Variants in ARRB1 observed in about 807,000 individuals in gnomAD.
ARRB1 encodes the protein arrestin beta 1.
A neutral mutation model predicts 56.8 loss-of-function variants in ARRB1; 21 were observed. The observed-to-expected ratio is 0.37, with a 90% CI of 0.26 to 0.53. The LOEUF is 0.53. ARRB1 is among the 20% of genes least tolerant of loss of function. The probability of loss-of-function intolerance (pLI) is 0.88; values close to 1 mark genes in which losing one functional copy is unlikely to be tolerated. For synonymous variants in ARRB1, 210 were observed against 218.6 expected (o/e 0.96, Z 0.35); for missense variants, 424 against 553.7 (o/e 0.77, Z 2.35).
chr11:75,339,275 G>A (rs1397038271), intron 1 of ARRB1, among the ~76,000 whole-genome samples: 4 of 152,226 alleles, frequency 2.6e-5, no homozygotes, highest in Non-Finnish European at 1.5e-5. Context: ...AGTAGACCCT[G>A]GTTTCCAATG....
At chr11:75,343,380 AG>A (rs1272273452) in intron 1 of ARRB1, among the ~76,000 whole-genome samples, 3 of 152,184 alleles carry the variant, frequency 2.0e-5, no homozygotes, top group Non-Finnish European at 4.4e-5. Context: ...GCTTGTAATG[AG>A]GCCTTGGGAG....
intron 1 of ARRB1, among the ~76,000 whole-genome samples, chr11:75,348,435 TA>T (rs1947804013): frequency 6.6e-6 from 1 of 152,122 alleles, no homozygotes; most frequent in African/African-American, 2.4e-5. Flanking sequence ...TGCTCTGCTC[TA>T]AATCCCTGGA....
intron 7 of ARRB1, among the ~76,000 whole-genome samples, chr11:75,279,812 C>T (rs1248539843): frequency 6.6e-6 from 1 of 152,164 alleles, no homozygotes; most frequent in Non-Finnish European, 1.5e-5. Context: ...GGGTTACAGG[C>T]ATATGCCACC....
intron 1 of ARRB1, among the ~76,000 whole-genome samples, chr11:75,315,522 C>T (rs769054902): frequency 6.6e-6 from 1 of 152,202 alleles, no homozygotes; most frequent in African/African-American, 2.4e-5. Context: ...TGGCTAAGCA[C>T]GGGGTCCCAG....
intron 3 of ARRB1, among the ~76,000 whole-genome samples, chr11:75,286,957 C>A (rs1019320461): frequency 3.3e-5 from 5 of 152,156 alleles, no homozygotes; most frequent in Non-Finnish European, 4.4e-5. Flanking sequence ...GTCACTGAGC[C>A]ACTCTGTGCC....
chr11:75,279,515 A>G (rs1946281016), intron 7 of ARRB1, among the ~76,000 whole-genome samples: 1 of 152,136 alleles, frequency 6.6e-6, no homozygotes, highest in South Asian at 2.1e-4. Flanking sequence ...AGCTGCCTCC[A>G]TTGCCTGTAA....
chr11:75,273,941 C>A, intron 11 of ARRB1, 133 bp downstream of exon 11: 4 of 1,402,468 alleles, frequency 2.9e-6, no homozygotes, highest in Non-Finnish European at 2.0e-6. Flanking sequence ...AGTCAAGCAC[C>A]TGAGGACAGG....
intron 1 of ARRB1, chr11:75,312,024 C>A: frequency 7.8e-7 from 1 of 1,287,978 alleles, no homozygotes; most frequent in Non-Finnish European, 1.0e-6. Context: ...GATCGGAGGC[C>A]CTGCCCAGCC....
chr11:75,288,436 C>T (rs569030978), intron 2 of ARRB1, among the ~76,000 whole-genome samples: 6 of 152,172 alleles, frequency 3.9e-5, no homozygotes, highest in Non-Finnish European at 5.9e-5. Context: ...CTGATGTGTG[C>T]TGTTCCTCAA....
chr11:75,306,861 G>T (rs1175521462), intron 1 of ARRB1, among the ~76,000 whole-genome samples: 1 of 152,230 alleles, frequency 6.6e-6, no homozygotes, highest in African/African-American at 2.4e-5. Flanking sequence ...GGCAGGGGGT[G>T]AGGGTCTCCC....
intron 8 of ARRB1, 126 bp downstream of exon 8, chr11:75,278,483 G>A: frequency 7.3e-7 from 1 of 1,369,102 alleles, no homozygotes. Flanking sequence ...CCTGACCCCT[G>A]TGGTCCTTGG....
chr11:75,336,276 A>G (rs765701689), intron 1 of ARRB1, among the ~76,000 whole-genome samples: 2 of 152,178 alleles, frequency 1.3e-5, no homozygotes, highest in Non-Finnish European at 2.9e-5. Context: ...GGAAGAGCAC[A>G]TGGCCCTTGG....
At chr11:75,269,130 G>T in intron 13 of ARRB1, 171 bp from the exon 14 acceptor site, 1 of 758,914 alleles carries the variant, frequency 1.3e-6, no homozygotes. Flanking sequence ...GGTCTGCCTG[G>T]GAGCTGGACG....
intron 1 of ARRB1, among the ~76,000 whole-genome samples, chr11:75,325,742 CG>C (rs1947421991): frequency 6.6e-6 from 1 of 152,204 alleles, no homozygotes; most frequent in Non-Finnish European, 1.5e-5. Flanking sequence ...CCACCAAAGC[CG>C]CTCCCCAAAC....
rs1945861250 is a variant in ARRB1 at position 75,264,260 on chromosome 11, C to G, written c.*1903G>C. ...ACAGGAAATAAGTCACACTGCCTGC[C>G]CCAGGAGGTGCTGGACTGGAAAGGA... On this transcript the variant is annotated 3_prime_UTR_variant, in exon 16 of 16. Coordinates refer to ENST00000420843, the MANE Select transcript of ARRB1 (RefSeq NM_004041.5). 6.6e-6 allele frequency: 1 copy of G among 152,144 alleles called. No homozygotes were observed. The highest frequency in any genetic ancestry group is 2.4e-5 in the African/African-American group (1 of 41,396). The allele number at this position is 152,144 out of a possible 1,614,324, so 9.4% of individuals were successfully genotyped here.
chr11:75,274,175 G>C lies in ARRB1; in HGVS notation c.813C>G (p.Val271=). 6.2e-7 allele frequency: 1 copy of C among 1,614,212 alleles called. No homozygotes were observed. ...TVAPSSTFCK[V]YTLTPFLANN... ...TGGCTAGGAAGGGGGTCAGTGTGTA[G>C]ACCTTGCAGAACGTCGAGCTGGGTG... Residue 271 remains valine, a synonymous_variant, in exon 11 of 16, where the codon GTC becomes GTG. Transcript: ENST00000420843.
chr11:75,312,676 A>G (rs79472038), intron 1 of ARRB1, among the ~76,000 whole-genome samples: 2,027 of 152,320 alleles, frequency 0.013, 36 homozygotes, highest in African/African-American at 0.045. Context: ...GGTGGGCCCA[A>G]TGTCATCACA....
In ARRB1 at chr11:75,338,108, A is replaced by G. The variant is rs555459890; in HGVS notation, c.20+13480T>C. 2.0e-5 allele frequency among the ~76,000 whole-genome samples: 3 copies of G among 152,298 alleles called. No homozygotes were observed. In the South Asian group the frequency reaches 6.2e-4, roughly 32 times the overall value. On this transcript the variant is annotated intron_variant, in intron 1 of 15. Transcript: ENST00000420843. ...AGGTTGTTAGCAGTGTGGTGGGGAC[A>G]GCTGGGAAAGGAGTGTGGAAGGGAC... is the stretch of plus-strand genomic sequence containing the variant.
intron 10 of ARRB1, among the ~76,000 whole-genome samples, chr11:75,275,613 C>T (rs1946184744): frequency 6.6e-6 from 1 of 152,196 alleles, no homozygotes; most frequent in Non-Finnish European, 1.5e-5. Flanking sequence ...CTTGCTTTTG[C>T]TCTATCCCCC....
Sources: allele counts gnomAD v4.1 joint callset (sites outside exome capture counted in the v4.1 genomes callset), GRCh38; gene constraint gnomAD v4.1.1; transcripts MANE v1.5; gene names NCBI Gene and HGNC (gene_info 2026-07-23, HGNC 2026-07-21).